XIRP2: variants seen among roughly 807,000 people sequenced by gnomAD.
XIRP2 encodes the protein xin actin binding repeat containing 2, also known as xin actin-binding repeat-containing protein 2.
Under a neutral mutation model 277.0 loss-of-function variants are expected in XIRP2, and 236 were observed. The ratio of observed to expected loss-of-function variants is 0.85; its 90% confidence interval spans 0.77 to 0.95. The LOEUF is 0.95. Among genes scored for constraint, XIRP2 ranks in the 40% least tolerant of loss-of-function variants. The pLI, the probability that XIRP2 is intolerant of heterozygous loss-of-function variation, is 0.00. For synonymous variants in XIRP2, 1,490 were observed against 1,416.5 expected (o/e 1.05, Z -1.17); for missense variants, 4,640 against 4,157.5 (o/e 1.12, Z -3.19).
chr2:167,131,670 G>A (rs1691381577), intron 2 of XIRP2, among the ~76,000 whole-genome samples: 2 of 152,238 alleles, frequency 1.3e-5, no homozygotes, highest in South Asian at 4.1e-4. Flanking sequence ...TCCATTTAAT[G>A]TTGGCATTTT....
chr2:166,968,164 T>C (rs984447009), intron 2 of XIRP2, among the ~76,000 whole-genome samples: 1 of 151,974 alleles, frequency 6.6e-6, no homozygotes, highest in African/African-American at 2.4e-5. Flanking sequence ...TCTTAGAAGC[T>C]AATGAGTTCT....
intron 2 of XIRP2, among the ~76,000 whole-genome samples, chr2:167,051,385 TTAAA>T (rs1039219365): frequency 1.3e-4 from 20 of 152,120 alleles, no homozygotes; most frequent in African/African-American, 4.8e-4. Context: ...TAAAAGTAAC[TTAAA>T]TAATACTATT....
intron 2 of XIRP2, among the ~76,000 whole-genome samples, chr2:166,918,960 GT>G (rs1684962264): frequency 6.6e-6 from 1 of 152,050 alleles, no homozygotes; most frequent in South Asian, 2.1e-4. Flanking sequence ...GAACTTAGAA[GT>G]ATGTAATCTT....
At chr2:167,231,447 A>G (rs574465750) in intron 5 of XIRP2, among the ~76,000 whole-genome samples, 2 of 152,092 alleles carry the variant, frequency 1.3e-5, no homozygotes, top group African/African-American at 4.8e-5. Context: ...GCTTTCTACT[A>G]TGTTATGTAT....
At chr2:167,184,709 T>A (rs1039704443) in intron 3 of XIRP2, 2 of 689,308 alleles carry the variant, frequency 2.9e-6, no homozygotes, top group African/African-American at 3.6e-5. Flanking sequence ...TCTGATGCCT[T>A]ACATATATTA....
chr2:167,092,816 A>C (rs1326480216), intron 2 of XIRP2, among the ~76,000 whole-genome samples: 1 of 152,170 alleles, frequency 6.6e-6, no homozygotes, highest in Non-Finnish European at 1.5e-5. Flanking sequence ...TGATTTAAGC[A>C]AATTACATGC....
In XIRP2 at chr2:167,250,514, AACC is replaced by A; in HGVS notation, c.9123_9125del (p.Pro3042del). On this transcript the variant is annotated inframe_deletion, in exon 9 of 11. Transcript: ENST00000409195. ...GCCATGATGTCCTCCAAAACAGGAAAACCGGGAAATAAACCCACTAGTCTTGAT... is the reference window on the plus strand; with the variant it reads ...GCCATGATGTCCTCCAAAACAGGAAAGGGAAATAAACCCACTAGTCTTGAT... 1.9e-6 allele frequency: 3 copies of A among 1,613,670 alleles called. No individual in the cohort carries two copies. Among genetic ancestry groups the A allele is most frequent in the Non-Finnish European group, 2.5e-6 (3 of 1,179,714 alleles).
At chr2:167,021,174 T>C in intron 2 of XIRP2, among the ~76,000 whole-genome samples, 1 of 152,116 alleles carries the variant, frequency 6.6e-6, no homozygotes, top group East Asian at 1.9e-4. Context: ...CCTATCCTTC[T>C]AGAAAAGCTG....
intron 3 of XIRP2, among the ~76,000 whole-genome samples, chr2:167,196,248 A>C (rs529976081): frequency 6.6e-6 from 1 of 152,316 alleles, no homozygotes; most frequent in South Asian, 2.1e-4. Context: ...GTTACATTTT[A>C]AAAGTTTGGG....
Position 167,248,947 on chromosome 2 carries a change from A to G in XIRP2, c.7555A>G (p.Ile2519Val). 2 of 1,613,850 alleles carry G rather than the reference A, an allele frequency of 1.2e-6. No individual in the cohort carries two copies. Among genetic ancestry groups the G allele is most frequent in the South Asian group, 2.2e-5 (2 of 91,078 alleles). The change falls in exon 9 of 11, where the codon ATA becomes GTA. Residue 2519 changes from isoleucine (I) to valine (V), a missense_variant. Coordinates refer to ENST00000409195, the MANE Select transcript of XIRP2 (RefSeq NM_152381.6). ...CAGGAAAAAACAGATTGCGCCTCTTATAAAATCTCATTCATTTCCAGAGAG... is the reference window on the plus strand; with the variant it reads ...CAGGAAAAAACAGATTGCGCCTCTTGTAAAATCTCATTCATTTCCAGAGAG... The part of the protein sequence containing the change: ...APRKKQIAPL[I>V]KSHSFPESSG...
Position 167,248,469 on chromosome 2 carries a change from T to A in XIRP2, c.7077T>A (p.Ser2359Arg). The A allele has an allele frequency of 6.2e-7, 1 of 1,613,576 alleles. No homozygotes were observed. The highest frequency in any genetic ancestry group is 8.5e-7 in the Non-Finnish European group (1 of 1,179,718). Residue 2359 changes from serine (S) to arginine (R), a missense_variant, in exon 9 of 11, where the codon AGT (serine) becomes AGA (arginine). Physicochemically the swap from Ser to Arg is moderately radical, Grantham distance 110. Coordinates refer to ENST00000409195, the MANE Select transcript of XIRP2 (RefSeq NM_152381.6). ...PPVDEKSERE[S>R]SSMFLPPPPP... The stretch of plus-strand genomic sequence containing the variant: ...TAGATGAGAAATCTGAAAGAGAAAG[T>A]TCATCGATGTTTCTGCCGCCTCCTC...
At chr2:166,958,821 A>G (rs1169050469) in intron 2 of XIRP2, among the ~76,000 whole-genome samples, 1 of 151,806 alleles carries the variant, frequency 6.6e-6, no homozygotes, top group Non-Finnish European at 1.5e-5. Flanking sequence ...AGTATCTTAC[A>G]ATTTGAATAA....
intron 3 of XIRP2, among the ~76,000 whole-genome samples, chr2:167,174,214 G>A (rs1274022250): frequency 1.1e-4 from 16 of 152,144 alleles, no homozygotes. Flanking sequence ...TGTACTTCTG[G>A]TAGAATTCGG....
At chr2:167,208,538 G>T (rs143491386) in intron 3 of XIRP2, among the ~76,000 whole-genome samples, 4,756 of 152,234 alleles carry the variant, frequency 0.031, 89 homozygotes, top group Non-Finnish European at 0.046. Flanking sequence ...TGGATCTCCT[G>T]ACCTCGTGAT....
At chr2:167,110,891 C>G (rs991064696) in intron 2 of XIRP2, among the ~76,000 whole-genome samples, 5 of 152,006 alleles carry the variant, frequency 3.3e-5, no homozygotes, top group African/African-American at 9.7e-5. Flanking sequence ...TTTCATCACC[C>G]TGGTTAGCTA....
chr2:167,179,922 C>CA (rs1424952017), intron 3 of XIRP2, among the ~76,000 whole-genome samples: 1 of 152,172 alleles, frequency 6.6e-6, no homozygotes, highest in Non-Finnish European at 1.5e-5. Flanking sequence ...TACTGGATTA[C>CA]AGGCATGGGC....
intron 2 of XIRP2, among the ~76,000 whole-genome samples, chr2:167,106,554 A>G (rs1466637684): frequency 6.6e-6 from 1 of 151,732 alleles, no homozygotes; most frequent in African/African-American, 2.4e-5. Flanking sequence ...CTATCTGCTA[A>G]TTCCCCTGCA....
At chr2:167,234,274 T>G (rs1017214994) in intron 5 of XIRP2, among the ~76,000 whole-genome samples, 1 of 151,612 alleles carries the variant, frequency 6.6e-6, no homozygotes, top group Non-Finnish European at 1.5e-5. Context: ...ATTAATGGAA[T>G]GATAACACTT....
At chr2:166,958,951 G>A (rs1007522119) in intron 2 of XIRP2, among the ~76,000 whole-genome samples, 4 of 151,714 alleles carry the variant, frequency 2.6e-5, no homozygotes, top group South Asian at 4.1e-4. Context: ...AGAAGGCCAG[G>A]AAAACTCTAG....
Sources: gnomAD v4.1 joint callset for allele counts (sites outside exome capture counted in the v4.1 genomes callset) on GRCh38, gnomAD v4.1.1 for gene constraint, MANE v1.5 for transcripts, NCBI Gene and HGNC (gene_info 2026-07-23, HGNC 2026-07-21) for gene names.